The following HTT variants were observed in gnomAD, a reference collection of about 807,000 sequenced individuals.
The protein encoded by HTT is huntington disease protein.
HTT carries 104 observed loss-of-function variants against 362.3 expected under a neutral mutation model. That is an observed-to-expected ratio of 0.29 (90% CI 0.24 to 0.34). The LOEUF (loss-of-function observed/expected upper bound fraction) is 0.34. Among genes scored for constraint, HTT ranks in the 10% least tolerant of loss-of-function variants. The probability of loss-of-function intolerance (pLI) is 1.00; values close to 1 mark genes in which losing one functional copy is unlikely to be tolerated. For synonymous variants in HTT, 1,577 were observed against 1,548.7 expected (o/e 1.02, Z -0.43); for missense variants, 3,301 against 3,928.6 (o/e 0.84, Z 4.27).
chr4:3,084,042 C>T (rs77117483), intron 1 of HTT, among the ~76,000 whole-genome samples: 1,948 of 152,030 alleles, frequency 0.013, 46 homozygotes, highest in African/African-American at 0.045. Flanking sequence ...TTTGCAATGG[C>T]ACAGTTTTAG....
intron 29 of HTT, among the ~76,000 whole-genome samples, chr4:3,171,998 G>A (rs1335340300): frequency 6.6e-6 from 1 of 152,212 alleles, no homozygotes; most frequent in East Asian, 1.9e-4. Flanking sequence ...GCTCTTAGCT[G>A]CTTTGCACAC....
intron 2 of HTT, among the ~76,000 whole-genome samples, chr4:3,094,989 C>T (rs1210310013): frequency 6.6e-6 from 1 of 152,092 alleles, no homozygotes; most frequent in African/African-American, 2.4e-5. Context: ...CAGAGATGCT[C>T]CTCACTTCCT....
At chr4:3,208,242 C>T (rs560703880) in intron 45 of HTT, among the ~76,000 whole-genome samples, 23 of 152,230 alleles carry the variant, frequency 1.5e-4, no homozygotes, top group Admixed American at 2.6e-4. Flanking sequence ...TAGCAGATGG[C>T]GGGAGATAAA....
chr4:3,082,430 A>G (rs1350280814), intron 1 of HTT, among the ~76,000 whole-genome samples: 2 of 152,256 alleles, frequency 1.3e-5, no homozygotes, highest in Non-Finnish European at 2.9e-5. Context: ...AATACCTTAT[A>G]AAGCACTGTT....
chr4:3,164,986 C>T (rs1717628524), intron 29 of HTT, among the ~76,000 whole-genome samples: 1 of 152,240 alleles, frequency 6.6e-6, no homozygotes, highest in South Asian at 2.1e-4. Context: ...GGTTATTTTG[C>T]CCGTTAACTG....
chr4:3,165,869 C>T (rs1356630112), intron 29 of HTT, among the ~76,000 whole-genome samples: 8 of 152,142 alleles, frequency 5.3e-5, no homozygotes, highest in East Asian at 3.9e-4. Flanking sequence ...TCCTTTAGCT[C>T]GGAGAAGTTT....
In HTT at chr4:3,178,282, A is replaced by G. The variant is rs758150439; in HGVS notation, c.4464-16A>G. On this transcript the variant is annotated splice_polypyrimidine_tract_variant and intron_variant, in intron 34 of 66. Transcript: ENST00000355072. ...AATTTTAAAAGAAAGGTCTAAATGG[A>G]TGTTTTTGTTTTTAGGGAATCAGAG... The G allele has an allele frequency of 6.4e-6, 10 of 1,573,810 alleles. No individual in the cohort carries two copies. The African/African-American group carries it at 9.5e-5, about 15-fold the overall frequency.
intron 14 of HTT, 73 bp from the exon 15 acceptor site, chr4:3,131,213 A>G (rs1715797205): frequency 1.8e-6 from 2 of 1,140,216 alleles, no homozygotes; most frequent in Non-Finnish European, 2.7e-6. Context: ...CTCTGGAACT[A>G]TCTGTTGAAT....
At chr4:3,223,262 C>G (rs1044227266) in intron 54 of HTT, 144 bp from the exon 55 acceptor site, 7 of 723,694 alleles carry the variant, frequency 9.7e-6, no homozygotes, top group Non-Finnish European at 1.3e-5. Context: ...CCTTGTGCCC[C>G]GTGAGCTCAG....
At chr4:3,158,609 CCT>C (rs1199549577) in intron 28 of HTT, among the ~76,000 whole-genome samples, 4 of 151,888 alleles carry the variant, frequency 2.6e-5, no homozygotes, top group Non-Finnish European at 5.9e-5. Context: ...CTCAGGTATT[CCT>C]CTGTTTTTGT....
Position 3,075,057 on chromosome 4 carries a change from C to T in HTT, c.232C>T (p.Pro78Ser). 8.0e-7 allele frequency: 1 copy of T among 1,248,458 alleles called. No homozygotes were observed. Among genetic ancestry groups the T allele is most frequent in the Non-Finnish European group, 1.0e-6 (1 of 1,002,896 alleles). 77.3% of individuals were successfully genotyped at this position (1,248,458 alleles called of 1,614,324 possible). ...GCCGCCGCCCCCGCCGCCACCCGGC[C>T]CGGCTGTGGCTGAGGAGCCGCTGCA... is the stretch of plus-strand genomic sequence containing the variant. ...PPPPPPPPPG[P>S]AVAEEPLHRP... Residue 78 changes from proline (P) to serine (S), a missense_variant, in exon 1 of 67, where the codon CCG (proline) becomes TCG (serine). This residue lies in a region of HTT where 2,316 missense variants were observed against 2,658.5 expected (regional missense o/e 0.87). Transcript: ENST00000355072.
chr4:3,190,735 A>G (rs190068209), intron 40 of HTT, among the ~76,000 whole-genome samples: 2 of 152,204 alleles, frequency 1.3e-5, no homozygotes, highest in Non-Finnish European at 1.5e-5. Flanking sequence ...CAAGAAAGTC[A>G]TAAGATGCCA....
rs576668867 is a variant in HTT at position 3,144,249 on chromosome 4, A to G, written c.3067-903A>G. On this transcript the variant is annotated intron_variant, in intron 23 of 66. Transcript: ENST00000355072. ...CTCAAATTTTCTAAAATGAGCAAGTATAACTTTTGTTATCAGAAAAAAATA... is the reference window on the plus strand; with the variant it reads ...CTCAAATTTTCTAAAATGAGCAAGTGTAACTTTTGTTATCAGAAAAAAATA... Among the ~76,000 whole-genome samples, 3 of 152,366 alleles carry G rather than the reference A, an allele frequency of 2.0e-5. No individual in the cohort carries two copies. In the East Asian group the frequency reaches 5.8e-4, roughly 29 times the overall value.
At chr4:3,203,589 T>C (rs1265927936) in intron 41 of HTT, among the ~76,000 whole-genome samples, 1 of 152,240 alleles carries the variant, frequency 6.6e-6, no homozygotes, top group African/African-American at 2.4e-5. Context: ...GATGTTTCAT[T>C]GGGAAACGAA....
intron 29 of HTT, among the ~76,000 whole-genome samples, chr4:3,167,222 C>G (rs889610756): frequency 6.6e-6 from 1 of 152,176 alleles, no homozygotes; most frequent in Non-Finnish European, 1.5e-5. Context: ...CAGGCACCTG[C>G]CACCATGCCT....
chr4:3,160,192 C>A, intron 28 of HTT, 90 bp from the exon 29 acceptor site: 1 of 832,280 alleles, frequency 1.2e-6, no homozygotes, highest in Non-Finnish European at 2.0e-6. Flanking sequence ...GAGGCATCTG[C>A]TGCAGCCGTC....
rs143770734 is a variant in HTT, at chr4:3,125,535, A to G, written c.1322-14A>G. ...TTAGCAAACTAAAAGGAATGTTGGT[A>G]CATTATTTACTAGGCAAAGTGCTCT... On this transcript the variant is annotated splice_polypyrimidine_tract_variant and intron_variant, in intron 10 of 66. Transcript: ENST00000355072. 3.2e-4 allele frequency: 509 copies of G among 1,590,524 alleles called. 2 individuals are homozygous for G. Among genetic ancestry groups the G allele is most frequent in the Middle Eastern group, 2.0e-3 (12 of 6,012 alleles).
chr4:3,109,275 G>A (rs1714606272), intron 6 of HTT, among the ~76,000 whole-genome samples: 1 of 151,676 alleles, frequency 6.6e-6, no homozygotes, highest in Non-Finnish European at 1.5e-5. Flanking sequence ...TGCCAAGGCT[G>A]GAGTGCAATG....
intron 57 of HTT, among the ~76,000 whole-genome samples, chr4:3,227,925 G>C (rs1285835539): frequency 6.6e-6 from 1 of 152,232 alleles, no homozygotes; most frequent in Non-Finnish European, 1.5e-5. Flanking sequence ...TCTGGGCGAG[G>C]GGAGTGCAGG....
Sources: allele counts gnomAD v4.1 joint callset (sites outside exome capture counted in the v4.1 genomes callset), GRCh38; gene constraint gnomAD v4.1.1; regional missense constraint gnomAD v4.1.1; transcripts MANE v1.5; gene names NCBI Gene and HGNC (gene_info 2026-07-23, HGNC 2026-07-21).